Variants in ARHGAP35 observed in about 807,000 individuals in gnomAD.
The protein encoded by ARHGAP35 is Rho GTPase activating protein 35.
Under a neutral mutation model 111.1 loss-of-function variants are expected in ARHGAP35, and 15 were observed. The observed-to-expected ratio is 0.13, with a 90% CI of 0.09 to 0.21. The LOEUF is 0.21. Ranked by LOEUF, ARHGAP35 falls within the 10% of genes least tolerant of loss-of-function variation. The pLI is 1.00. For missense variants in ARHGAP35, 1,262 were observed against 1,873.0 expected (o/e 0.67, Z 6.02); for synonymous variants, 643 against 710.3 (o/e 0.91, Z 1.51).
intron 1 of ARHGAP35, among the ~76,000 whole-genome samples, chr19:46,876,937 C>T (rs912571381): frequency 6.6e-6 from 1 of 152,116 alleles, no homozygotes; most frequent in African/African-American, 2.4e-5. Flanking sequence ...CGAAGTTTTT[C>T]GTTTCCCAGT....
At chr19:46,966,193 G>A (rs571989755) in intron 3 of ARHGAP35, among the ~76,000 whole-genome samples, 2 of 151,880 alleles carry the variant, frequency 1.3e-5, no homozygotes, top group South Asian at 4.2e-4. Context: ...TACGATTTTT[G>A]GTATTATTTT....
intron 3 of ARHGAP35, among the ~76,000 whole-genome samples, chr19:46,960,298 G>A (rs380795): frequency 6.6e-6 from 1 of 152,078 alleles, no homozygotes; most frequent in Non-Finnish European, 1.5e-5. Context: ...ACTCTGCTAA[G>A]AAACAAAAGG....
chr19:46,983,297 A>G (rs897364331), intron 3 of ARHGAP35, among the ~76,000 whole-genome samples: 9 of 152,160 alleles, frequency 5.9e-5, no homozygotes, highest in African/African-American at 2.2e-4. Context: ...TCCTGGTCTC[A>G]GCGTTCCTGT....
rs951535801 is a variant in ARHGAP35 at position 46,908,872 on chromosome 19, C to G, written c.-188-9616C>G. On this transcript the variant is annotated intron_variant, in intron 1 of 6. Coordinates refer to ENST00000672722, the MANE Select transcript of ARHGAP35 (RefSeq NM_004491.5). This position sits in a 1 kb window ranked among gnomAD's most constrained non-coding sequence, Gnocchi z 4.2. ...GTAGCAACATAGTTCTGTATTCCCA[C>G]CCTGGAATTCAGAAGAACCTTTAAG... 1.3e-5 allele frequency among the ~76,000 whole-genome samples: 2 copies of G among 152,064 alleles called. No individual in the cohort carries two copies. Among genetic ancestry groups the G allele is most frequent in the African/African-American group, 4.8e-5 (2 of 41,404 alleles).
At chr19:46,939,326 GTC>G (rs1192481024) in intron 3 of ARHGAP35, among the ~76,000 whole-genome samples, 1 of 151,126 alleles carries the variant, frequency 6.6e-6, no homozygotes, top group African/African-American at 2.4e-5. Flanking sequence ...TCCTTTATCT[GTC>G]TCTATAAAAT....
In ARHGAP35 at chr19:46,920,869, T is replaced by C; in HGVS notation, c.2194T>C (p.Phe732Leu). The C allele has an allele frequency of 6.2e-7, 1 of 1,613,940 alleles. No homozygotes were observed. ...AATTGCTAGCAAACTTCAGTGTGTC[T>C]TTCTCGACCCTGCTTCTGCTGGCAT... ...QQIASKLQCV[F>L]LDPASAGIGY... is the part of the protein sequence containing the mutation. Residue 732 changes from phenylalanine to leucine, a missense_variant, in exon 2 of 7, where the codon TTT becomes CTT. Physicochemically the swap from Phe to Leu is conservative, Grantham distance 22. This residue lies in a region of ARHGAP35 where 579 missense variants were observed against 716.9 expected (regional missense o/e 0.81). Transcript: ENST00000672722. This position sits in a 1 kb window ranked among gnomAD's most constrained non-coding sequence, Gnocchi z 7.0.
At chr19:46,888,732 G>T (rs2056008579) in intron 1 of ARHGAP35, among the ~76,000 whole-genome samples, 1 of 151,428 alleles carries the variant, frequency 6.6e-6, no homozygotes, top group Non-Finnish European at 1.5e-5. Flanking sequence ...GGTGGCTTAT[G>T]CCTGTAATCC....
chr19:46,886,624 C>T (rs2055994538), intron 1 of ARHGAP35, among the ~76,000 whole-genome samples: 2 of 152,122 alleles, frequency 1.3e-5, no homozygotes, highest in South Asian at 4.1e-4. Flanking sequence ...TCGGGCGTTA[C>T]TCAAGGTTGT....
intron 1 of ARHGAP35, among the ~76,000 whole-genome samples, chr19:46,877,248 CAAAA>C (rs35968599): frequency 8.9e-5 from 8 of 89,842 alleles, no homozygotes; most frequent in Admixed American, 4.0e-4. Flanking sequence ...AAAACTGTCT[CAAAA>C]AAAAAAAAAA....
intron 1 of ARHGAP35, among the ~76,000 whole-genome samples, chr19:46,891,792 A>G (rs1167079482): frequency 6.6e-6 from 1 of 152,132 alleles, no homozygotes; most frequent in African/African-American, 2.4e-5. Context: ...TCTGGGAGAA[A>G]GTGTTCAAGT....
intron 3 of ARHGAP35, among the ~76,000 whole-genome samples, chr19:46,981,992 T>C (rs1170630019): frequency 6.6e-6 from 1 of 152,166 alleles, no homozygotes; most frequent in Non-Finnish European, 1.5e-5. Context: ...TAGCTGAGAC[T>C]ACAAGCATGA....
intron 3 of ARHGAP35, among the ~76,000 whole-genome samples, chr19:46,980,533 G>T (rs2056615415): frequency 6.6e-6 from 1 of 152,324 alleles, no homozygotes; most frequent in South Asian, 2.1e-4. Flanking sequence ...ACCAGGATCA[G>T]AACCAAGGTC....
intron 2 of ARHGAP35, among the ~76,000 whole-genome samples, chr19:46,923,606 C>G (rs926063963): frequency 2.6e-5 from 4 of 151,384 alleles, no homozygotes; most frequent in Non-Finnish European, 5.9e-5. Context: ...ATTGCCAAGG[C>G]TGATTTAGAA....
Position 46,918,584 on chromosome 19 carries a change from C to G in ARHGAP35, c.-92C>G, listed in dbSNP as rs983801481. On this transcript the variant is annotated 5_prime_UTR_variant, in exon 2 of 7. Coordinates refer to ENST00000672722, the MANE Select transcript of ARHGAP35 (RefSeq NM_004491.5). The surrounding 1 kb of genome is among the most constrained non-coding windows in gnomAD (Gnocchi z 5.4). ...CTGGCATTTTTGCTGCATGTCCAGC[C>G]CACCCCCACTAATAATGTAGGAAGC... 9.0e-6 allele frequency: 12 copies of G among 1,328,502 alleles called. No homozygotes were observed. Among genetic ancestry groups the G allele is most frequent in the Middle Eastern group, 5.1e-4 (2 of 3,958 alleles). The allele number at this position is 1,328,502 out of a possible 1,614,324, so 82.3% of individuals were successfully genotyped here.
In ARHGAP35 at chr19:46,988,406, A is replaced by G. The variant is rs2056662622; in HGVS notation, c.3904+340A>G. On this transcript the variant is annotated intron_variant, in intron 4 of 6. Coordinates refer to ENST00000672722, the MANE Select transcript of ARHGAP35 (RefSeq NM_004491.5). The surrounding 1 kb of genome is among the most constrained non-coding windows in gnomAD (Gnocchi z 5.4). ...CCCATGCAGAGCTAGTTGCAGGCAC[A>G]TGATATACAAGTCGGGTTGAGATGT... is the stretch of plus-strand genomic sequence containing the variant. The G allele has an allele frequency of 3.4e-6, 1 of 295,084 alleles. No individual in the cohort carries two copies. Among genetic ancestry groups the G allele is most frequent in the Non-Finnish European group, 6.7e-6 (1 of 150,120 alleles). The allele number at this position is 295,084 out of a possible 1,614,324, so 18.3% of individuals were successfully genotyped here.
At chr19:46,882,766 TC>T (rs1298860593) in intron 1 of ARHGAP35, among the ~76,000 whole-genome samples, 4 of 152,190 alleles carry the variant, frequency 2.6e-5, no homozygotes, top group African/African-American at 9.6e-5. Context: ...GGTTTTCTGT[TC>T]CTGTGTTAGT....
In ARHGAP35 at chr19:46,988,233, G is replaced by C; in HGVS notation, c.3904+167G>C. The C allele has an allele frequency of 1.5e-6, 1 of 654,320 alleles. No individual in the cohort carries two copies. The highest frequency in any genetic ancestry group is 2.6e-6 in the Non-Finnish European group (1 of 378,552). 40.5% of individuals were successfully genotyped at this position (654,320 alleles called of 1,614,324 possible). A position where few individuals can be genotyped will look rare whatever the true frequency, so the allele number is the denominator to read the frequency against. On this transcript the variant is annotated intron_variant, in intron 4 of 6. Transcript: ENST00000672722. The surrounding 1 kb of genome is among the most constrained non-coding windows in gnomAD (Gnocchi z 5.4). ...CCATGTGTGGCTGCAGCGGGGAGGA[G>C]GGGACCGGGTCCTGTCAGTGAACCG...
At chr19:46,911,794 T>C (rs2056138742) in intron 1 of ARHGAP35, among the ~76,000 whole-genome samples, 1 of 152,200 alleles carries the variant, frequency 6.6e-6, no homozygotes, top group Non-Finnish European at 1.5e-5. Context: ...ACATCATTTT[T>C]GCATATTACT....
chr19:46,995,085 A>T (rs1281365293), intron 5 of ARHGAP35, among the ~76,000 whole-genome samples: 1 of 152,164 alleles, frequency 6.6e-6, no homozygotes, highest in Admixed American at 6.5e-5. Flanking sequence ...TGCCTCCCCC[A>T]GTCCTGAGTC....
Sources: gnomAD v4.1 joint callset for allele counts (sites outside exome capture counted in the v4.1 genomes callset) on GRCh38, gnomAD v4.1.1 for gene constraint, gnomAD v4.1.1 regional missense constraint, Gnocchi (gnomAD v3.1) non-coding constraint, MANE v1.5 for transcripts, NCBI Gene and HGNC (gene_info 2026-07-23, HGNC 2026-07-21) for gene names.